The following ASMTL variants were observed in gnomAD, a reference collection of about 807,000 sequenced individuals.
ASMTL encodes acetylserotonin O-methyltransferase like, also known as probable bifunctional dTTP/UTP pyrophosphatase/methyltransferase protein.
A neutral mutation model predicts 60.3 loss-of-function variants in ASMTL; 57 were observed. The ratio of observed to expected loss-of-function variants is 0.95; its 90% confidence interval spans 0.76 to 1.18. ASMTL has a LOEUF of 1.18. ASMTL is among the 50% of genes most tolerant of loss of function. ASMTL has a pLI of 0.00. For missense variants in ASMTL, 981 were observed against 852.6 expected (o/e 1.15, Z -1.88); for synonymous variants, 419 against 373.0 (o/e 1.12, Z -1.42).
intron 6 of ASMTL, among the ~76,000 whole-genome samples, chrX:1,430,843 CATATATTT>C (rs1483166118): frequency 1.3e-4 from 19 of 143,506 alleles, no homozygotes; most frequent in South Asian, 4.3e-4. Flanking sequence ...TATTTATATA[CATATATTT>C]ATATATTTAT....
chrX:1,446,732 CTCGTGA>C (rs2091238806), intron 1 of ASMTL, among the ~76,000 whole-genome samples: 1 of 152,086 alleles, frequency 6.6e-6, no homozygotes. Flanking sequence ...ATCTCCTGAC[CTCGTGA>C]TCCGCCAACC....
chrX:1,452,736 C>T lies in ASMTL; in HGVS notation c.93+12G>A, dbSNP rs374126931. The T allele has an allele frequency of 9.4e-5, 149 of 1,582,832 alleles. No homozygotes were observed. In the African/African-American group the frequency reaches 1.7e-3, roughly 18 times the overall value. ...TCCCCGGTCCCCTGCCCCGCCCAGG[C>T]CCAGGCCGTACCGCGTTGCTGAGGA... On this transcript the variant is annotated intron_variant, in intron 1 of 12. Transcript: ENST00000381317.
intron 1 of ASMTL, among the ~76,000 whole-genome samples, chrX:1,449,491 G>C (rs1301757782): frequency 6.6e-6 from 1 of 151,824 alleles, no homozygotes; most frequent in African/African-American, 2.4e-5. Context: ...CTAGGACCAG[G>C]CATGTGGTGT....
At chrX:1,411,408 G>A (rs1353029241) in intron 12 of ASMTL, among the ~76,000 whole-genome samples, 12 of 152,150 alleles carry the variant, frequency 7.9e-5, no homozygotes, top group Non-Finnish European at 1.2e-4. Flanking sequence ...CTGAGTGCCC[G>A]TCAGATTCCC....
intron 9 of ASMTL, 116 bp downstream of exon 9, chrX:1,421,542 T>C: frequency 8.5e-7 from 1 of 1,179,718 alleles, no homozygotes; most frequent in Non-Finnish European, 1.2e-6. Context: ...GAGCCAAGCC[T>C]TTGGGATCTG....
intron 6 of ASMTL, 64 bp from the exon 7 acceptor site, chrX:1,428,185 C>T: frequency 6.5e-7 from 1 of 1,532,484 alleles, no homozygotes; most frequent in Non-Finnish European, 8.8e-7. Context: ...CTGAACATTT[C>T]ACGGCTGGGA....
At chrX:1,407,817 G>C (rs368108152) in intron 12 of ASMTL, among the ~76,000 whole-genome samples, 1 of 151,814 alleles carries the variant, frequency 6.6e-6, no homozygotes. Context: ...GGAGGAAGGA[G>C]GAGAGAAGAG....
rs1390985148 is a variant in ASMTL at position 1,405,427 on chromosome X, TGATG to T, written c.1646-1942_1646-1939del. On this transcript the variant is annotated intron_variant, in intron 12 of 12. Transcript: ENST00000381317. ...GGATGTATAGATGGATGCATGGATG[TGATG>T]GATGGATGGGTGAATAGATAGTAGA... is the stretch of plus-strand genomic sequence containing the variant. Among the ~76,000 whole-genome samples, 773 of 144,966 alleles carry T rather than the reference TGATG, an allele frequency of 5.3e-3. 6 individuals carry two copies. The highest frequency in any genetic ancestry group is 0.013 in the African/African-American group (514 of 38,626).
At chrX:1,430,896 T>A (rs1387140402) in intron 6 of ASMTL, among the ~76,000 whole-genome samples, 17 of 143,860 alleles carry the variant, frequency 1.2e-4, no homozygotes, top group Middle Eastern at 3.4e-3. Context: ...TTTTATATAA[T>A]TATATATTTA....
intron 12 of ASMTL, among the ~76,000 whole-genome samples, chrX:1,406,683 A>G (rs1473063017): frequency 1.3e-5 from 2 of 151,240 alleles, no homozygotes; most frequent in Non-Finnish European, 2.9e-5. Context: ...AAGTAGGTAG[A>G]TGAATGGATG....
chrX:1,440,828 A>G (rs2091091656), intron 2 of ASMTL, among the ~76,000 whole-genome samples: 1 of 152,192 alleles, frequency 6.6e-6, no homozygotes, highest in South Asian at 2.1e-4. Flanking sequence ...ATAATTCTAC[A>G]TTATGATACA....
At chrX:1,443,166 ATCGTGGACACACACCG>A (rs2091148000) in intron 1 of ASMTL, among the ~76,000 whole-genome samples, 4 of 149,786 alleles carry the variant, frequency 2.7e-5, no homozygotes, top group Admixed American at 1.3e-4. Flanking sequence ...ACACACCGCC[ATCGTGGACACACACCG>A]CCATCGTGGA....
rs765998932 is a variant in ASMTL, at chrX:1,433,312, G to C, written c.401-935C>G. ...GGTTGTCATGGGAACAGGGGGAGGG[G>C]GCTGGAGATGGAGTTTGCTCCCCAG... On this transcript the variant is annotated intron_variant, in intron 5 of 12. Coordinates refer to ENST00000381317, the MANE Select transcript of ASMTL (RefSeq NM_004192.4). Among the ~76,000 whole-genome samples, 319 of 151,854 alleles carry C rather than the reference G, an allele frequency of 2.1e-3. 2 individuals are homozygous for C. Among genetic ancestry groups the C allele is most frequent in the African/African-American group, 7.4e-3 (306 of 41,436 alleles).
In ASMTL at chrX:1,435,870, C is replaced by T. The variant is rs188032888; in HGVS notation, c.274-112G>A. The T allele has an allele frequency of 8.8e-4, 816 of 926,794 alleles. 19 individuals are homozygous for T. The East Asian group carries it at 0.016, about 19-fold the overall frequency. The allele number at this position is 926,794 out of a possible 1,614,324, so 57.4% of individuals were successfully genotyped here. On this transcript the variant is annotated intron_variant, in intron 3 of 12. Transcript: ENST00000381317. Reference sequence around the variant, plus strand: ...TTGTTTTATGGAAATGAAGCTGACACGTCCTGAGAGTCGCCATTTCAAACA... The same window carrying T: ...TTGTTTTATGGAAATGAAGCTGACATGTCCTGAGAGTCGCCATTTCAAACA...
chrX:1,417,522 T>TGC (rs1556656991), intron 11 of ASMTL, among the ~76,000 whole-genome samples: 1 of 14,768 alleles, frequency 6.8e-5, no homozygotes, highest in Non-Finnish European at 4.7e-4. Context: ...GACACAGACA[T>TGC]GCACACACAC....
chrX:1,413,136 G>T (rs1341315200), intron 11 of ASMTL: 3 of 439,708 alleles, frequency 6.8e-6, no homozygotes, highest in Non-Finnish European at 1.3e-5. Flanking sequence ...CCTGAGGTGG[G>T]CAGATTGTCT....
intron 1 of ASMTL, among the ~76,000 whole-genome samples, chrX:1,449,331 C>T (rs2091298327): frequency 6.6e-6 from 1 of 151,980 alleles, no homozygotes; most frequent in African/African-American, 2.4e-5. Flanking sequence ...GACGCCCATC[C>T]TGGTCTTCAG....
chrX:1,415,389 A>C (rs73618979), intron 11 of ASMTL, among the ~76,000 whole-genome samples: 141,645 of 151,926 alleles, frequency 0.93, 66,618 homozygotes, highest in East Asian at 1. Context: ...CACTCCCCTC[A>C]CGTCTCGGCT....
intron 5 of ASMTL, among the ~76,000 whole-genome samples, chrX:1,433,108 A>G (rs1190475917): frequency 6.6e-6 from 1 of 152,158 alleles, no homozygotes; most frequent in Admixed American, 6.5e-5. Flanking sequence ...AAATAAATAA[A>G]TAATAAAAGA....
Sources: allele counts gnomAD v4.1 joint callset (sites outside exome capture counted in the v4.1 genomes callset), GRCh38; gene constraint gnomAD v4.1.1; transcripts MANE v1.5; gene names NCBI Gene and HGNC (gene_info 2026-07-23, HGNC 2026-07-21).